LZTS2: variants seen among roughly 807,000 people sequenced by gnomAD.
The protein encoded by LZTS2 is leucine zipper putative tumor suppressor 2.
Under a neutral mutation model 60.6 loss-of-function variants are expected in LZTS2, and 32 were observed. That is an observed-to-expected ratio of 0.53 (90% CI 0.40 to 0.71). The LOEUF is 0.71. LZTS2 is among the 30% of genes least tolerant of loss of function. The pLI is 0.00. For synonymous variants in LZTS2, 360 were observed against 393.1 expected, an observed-to-expected ratio of 0.92 and a Z score of 1.00; for missense variants, 792 against 901.9, an observed-to-expected ratio of 0.88 and a Z score of 1.56.
exon 4 of LZTS2, chr10:101,007,562 C>T (rs765015430): frequency 1.5e-6 from 2 of 1,307,850 alleles, no homozygotes; most frequent in South Asian, 1.2e-5. Context: ...ATGGCACCAG[C>T]TGCTCCGGAT....
Position 101,007,332 on chromosome 10 carries a change from C to T in LZTS2, c.*164C>T. ...GCTTCTGCCAAGAACTCAGGGTGGC[C>T]CTATGACTTGGAGGAGCAAGATCAG... On this transcript the variant is annotated 3_prime_UTR_variant, in exon 4 of 4. Coordinates refer to ENST00000370220, the Ensembl canonical transcript of LZTS2. The T allele has an allele frequency of 2.1e-6, 3 of 1,417,382 alleles. 1 individual carries two copies. The highest frequency in any genetic ancestry group is 3.1e-5 in the South Asian group (2 of 64,224). 87.8% of individuals were successfully genotyped at this position (1,417,382 alleles called of 1,614,324 possible).
chr10:101,003,565 G>A lies in LZTS2; in HGVS notation c.467G>A (p.Arg156Gln), dbSNP rs201020783. 47 of 1,554,146 alleles carry A rather than the reference G, an allele frequency of 3.0e-5. No homozygotes were observed. In the East Asian group the frequency reaches 3.4e-4, roughly 11 times the overall value. The change falls in exon 2 of 4, where the codon CGA becomes CAA. Residue 156 changes from arginine (R) to glutamine (Q), a missense_variant. Physicochemically the swap from Arg to Gln is conservative, Grantham distance 43. Transcript: ENST00000370220. Reference sequence around the variant, plus strand: ...TTCAAGCCAGTGCTGCCCAAACCTCGAGGGGCTCCGTCCCTGCCTAGCTTC... The same window carrying A: ...TTCAAGCCAGTGCTGCCCAAACCTCAAGGGGCTCCGTCCCTGCCTAGCTTC...
Position 101,003,845 on chromosome 10 carries a change from C to G in LZTS2, c.747C>G (p.Ser249=), listed in dbSNP as rs1852103755. 12 of 1,613,402 alleles carry G rather than the reference C, an allele frequency of 7.4e-6. No individual in the cohort carries two copies. In the East Asian group the frequency reaches 2.7e-4, roughly 36 times the overall value. ...GCTCCCCAGGCGGGCACCTGCCTTCCCATGGCTCTGGGCGAGGGGCACTGC... is the reference window on the plus strand; with the variant it reads ...GCTCCCCAGGCGGGCACCTGCCTTCGCATGGCTCTGGGCGAGGGGCACTGC... Residue 249 remains serine (S), a synonymous_variant, in exon 2 of 4, where the codon TCC becomes TCG. Transcript: ENST00000370220.
chr10:101,006,682 C>A, exon 4 of LZTS2: 1 of 1,595,086 alleles, frequency 6.3e-7, no homozygotes, highest in East Asian at 2.3e-5. Context: ...AGCTGGAAGC[C>A]TGTTCCCAGG....
exon 1 of LZTS2, chr10:100,999,848 A>AGGGCCG (rs928744344): frequency 1.5e-3 from 220 of 147,606 alleles, no homozygotes; most frequent in African/African-American, 4.0e-3. Context: ...CGCGCGGGCC[A>AGGGCCG]GGGCCGGGGC....
exon 2 of LZTS2, chr10:101,004,043 G>T: frequency 6.2e-7 from 1 of 1,613,328 alleles, no homozygotes; most frequent in Non-Finnish European, 8.5e-7. Flanking sequence ...CACCACCCCC[G>T]CCTCCACCTC....
At chr10:101,003,853 C>G (rs1327148247) in exon 2 of LZTS2, 2 of 1,613,150 alleles carry the variant, frequency 1.2e-6, no homozygotes, top group African/African-American at 1.3e-5. Context: ...TCCCATGGCT[C>G]TGGGCGAGGG....
At chr10:101,007,088 G>A in exon 4 of LZTS2, 1 of 1,610,416 alleles carries the variant, frequency 6.2e-7, no homozygotes, top group East Asian at 2.2e-5. Context: ...GGAGCTGGAG[G>A]CCCGGGAGCT....
upstream of LZTS2, among the ~76,000 whole-genome samples, chr10:100,997,620 G>C (rs1851943162): frequency 6.6e-6 from 1 of 152,146 alleles, no homozygotes. Flanking sequence ...GGGCGGGCCG[G>C]GTGGGACGCA....
chr10:101,002,557 C>A, exon 1 of LZTS2: 1 of 1,530,416 alleles, frequency 6.5e-7, no homozygotes, highest in African/African-American at 1.4e-5. Flanking sequence ...TGTGCAGACT[C>A]TGCCAGTGCC....
At chr10:101,007,586 T>C (rs562431190) in exon 4 of LZTS2, 94 of 1,292,068 alleles carry the variant, frequency 7.3e-5, no homozygotes, top group African/African-American at 5.6e-4. Flanking sequence ...CCTGCCCACA[T>C]TGGGGGACAG....
chr10:100,996,645 G>A (rs41291474), upstream of LZTS2: 516 of 152,500 alleles, frequency 3.4e-3, 4 homozygotes, highest in Non-Finnish European at 4.3e-3. Context: ...GGCTGTGCTG[G>A]TTCTGCCTGG....
In LZTS2 at chr10:101,006,395, T is replaced by C. The variant is rs1196279665; in HGVS notation, c.1327-90T>C. ...GTAAAATGGGGATAAAGATGGACTC[T>C]TCTCTCCCAAATGCCCAGCATGATG... On this transcript the variant is annotated intron_variant, in intron 3 of 3. Transcript: ENST00000370220. The C allele has an allele frequency of 5.4e-6, 8 of 1,470,856 alleles. No homozygotes were observed. The African/African-American group carries it at 7.1e-5, about 13-fold the overall frequency. The allele number at this position is 1,470,856 out of a possible 1,614,324, so 91.1% of individuals were successfully genotyped here. A position where few individuals can be genotyped will look rare whatever the true frequency, so the allele number is the denominator to read the frequency against.
At chr10:100,996,824 TCTTAGTTTAAG>T (rs533425121), upstream of LZTS2, among the ~76,000 whole-genome samples, 81 of 152,306 alleles carry the variant, frequency 5.3e-4, no homozygotes, top group Middle Eastern at 3.4e-3. Flanking sequence ...AGAGTCAAGC[TCTTAGTTTAAG>T]CTTAGTTTAA....
Position 101,002,585 on chromosome 10 carries a change from A to T in LZTS2, c.47A>T (p.Glu16Val), listed in dbSNP as rs777499892. ...CCAGTGCCACTGGAGCCTGCTCCTG[A>T]AGCTGCCACTGCCCCACAAGCTCCA... Residue 16 changes from glutamate (E) to valine (V), a missense_variant, in exon 1 of 4, where the codon GAA becomes GTA. By Grantham distance (121) the Glu-to-Val change is moderately radical. Coordinates refer to ENST00000370220, the Ensembl canonical transcript of LZTS2. The T allele has an allele frequency of 5.2e-6, 8 of 1,546,206 alleles. No homozygotes were observed. In the South Asian group the frequency reaches 9.9e-5, roughly 19 times the overall value.
chr10:101,005,366 TC>T, intron 2 of LZTS2, 91 bp from the exon 4 acceptor site: 1 of 1,410,122 alleles, frequency 7.1e-7, no homozygotes, highest in East Asian at 2.4e-5. Flanking sequence ...AATCCACCCT[TC>T]CTGAGCCCTC....
At chr10:101,006,726 T>C in exon 4 of LZTS2, 1 of 1,601,758 alleles carries the variant, frequency 6.2e-7, no homozygotes, top group Non-Finnish European at 8.5e-7. Flanking sequence ...GCTGAGCAGC[T>C]GCGGGAGAAA....
chr10:101,002,471 C>A, exon 1 of LZTS2: 1 of 1,459,900 alleles, frequency 6.8e-7, no homozygotes, highest in East Asian at 2.4e-5. Context: ...GGTGGAGGGA[C>A]TCTGACACCA....
intron 2 of LZTS2, among the ~76,000 whole-genome samples, 193 bp from the exon 4 acceptor site, chr10:101,005,265 C>T (rs1164053200): frequency 3.3e-5 from 5 of 152,280 alleles, no homozygotes; most frequent in Middle Eastern, 3.4e-3. Context: ...CGTGAGCCAC[C>T]GAGCCCGGTC....
Sources: allele counts gnomAD v4.1 joint callset (sites outside exome capture counted in the v4.1 genomes callset), GRCh38; gene constraint gnomAD v4.1.1; transcripts MANE v1.5; gene names NCBI Gene and HGNC (gene_info 2026-07-23, HGNC 2026-07-21).